RABGEF1: variants seen among roughly 807,000 people sequenced by gnomAD.
RABGEF1 encodes RAB guanine nucleotide exchange factor 1, also known as rab5 GDP/GTP exchange factor.
A neutral mutation model predicts 57.3 loss-of-function variants in RABGEF1; 26 were observed. The ratio of observed to expected loss-of-function variants is 0.45; its 90% CI spans 0.33 to 0.63. The LOEUF (loss-of-function observed/expected upper bound fraction) is 0.63, where lower values mean the gene tolerates loss of function less well. Ranked by LOEUF, RABGEF1 falls within the 20% of genes least tolerant of loss-of-function variation. The probability of loss-of-function intolerance (pLI) is 0.02; values close to 1 mark genes in which losing one functional copy is unlikely to be tolerated. For missense variants in RABGEF1, 464 were observed against 607.6 expected, an observed-to-expected ratio of 0.76 and a Z score of 2.48; for synonymous variants, 185 against 210.7, an observed-to-expected ratio of 0.88 and a Z score of 1.06.
intron 1 of RABGEF1, among the ~76,000 whole-genome samples, chr7:66,767,000 CTTTTTTTTTTT>C (rs34123866): frequency 9.7e-6 from 1 of 102,600 alleles, no homozygotes; most frequent in Non-Finnish European, 1.9e-5. Flanking sequence ...TGTCAAGTTT[CTTTTTTTTTTT>C]TTTTTTTTTG....
chr7:66,777,008 G>T (rs1353430899), intron 3 of RABGEF1, among the ~76,000 whole-genome samples: 1 of 152,180 alleles, frequency 6.6e-6, no homozygotes, highest in Non-Finnish European at 1.5e-5. Context: ...AGAGGCACGT[G>T]ATGAGGATTC....
At chr7:66,736,351 T>G (rs1196248656), upstream of RABGEF1, among the ~76,000 whole-genome samples, 2 of 152,026 alleles carry the variant, frequency 1.3e-5, no homozygotes, top group Admixed American at 6.6e-5. Context: ...ACATATGAGG[T>G]AGAGGTGGTG....
At chr7:66,755,179 A>T (rs1396335603) in intron 1 of RABGEF1, among the ~76,000 whole-genome samples, 1 of 152,206 alleles carries the variant, frequency 6.6e-6, no homozygotes, top group Non-Finnish European at 1.5e-5. Flanking sequence ...CTGTAGTCCC[A>T]GCTCCTCTGG....
chr7:66,704,445 C>G (rs1023750413), intron 1 of RABGEF1, among the ~76,000 whole-genome samples: 5 of 152,078 alleles, frequency 3.3e-5, no homozygotes, highest in Non-Finnish European at 7.4e-5. Context: ...TTAAAACTGC[C>G]TATCTATTTT....
chr7:66,714,157 T>C (rs1243366583), intron 2 of RABGEF1, among the ~76,000 whole-genome samples: 2 of 152,190 alleles, frequency 1.3e-5, no homozygotes, highest in East Asian at 3.8e-4. Context: ...CTGTTTTAAA[T>C]CTTTGGTAAG....
At chr7:66,729,544 A>G (rs1797067607) in intron 2 of RABGEF1, among the ~76,000 whole-genome samples, 1 of 150,502 alleles carries the variant, frequency 6.6e-6, no homozygotes, top group Admixed American at 6.6e-5. Context: ...CCTCACCTTT[A>G]TCCTCACCTT....
chr7:66,739,572 G>C (rs1798484970), upstream of RABGEF1, among the ~76,000 whole-genome samples: 1 of 146,692 alleles, frequency 6.8e-6, no homozygotes, highest in Non-Finnish European at 1.5e-5. Flanking sequence ...TGAGGTGGGA[G>C]AATCGCTTGA....
chr7:66,754,387 A>T (rs199624630), intron 1 of RABGEF1, among the ~76,000 whole-genome samples: 78 of 145,312 alleles, frequency 5.4e-4, no homozygotes, highest in African/African-American at 1.3e-3. Context: ...TTTTTTTTTT[A>T]AAGCCATCAT....
chr7:66,778,131 G>A (rs550375450), intron 3 of RABGEF1, among the ~76,000 whole-genome samples: 3 of 152,268 alleles, frequency 2.0e-5, no homozygotes, highest in Non-Finnish European at 2.9e-5. Context: ...CCTAAGTGCC[G>A]TTTTAATGTA....
intron 7 of RABGEF1, among the ~76,000 whole-genome samples, chr7:66,801,006 G>A (rs939739690): frequency 6.6e-6 from 1 of 152,228 alleles, no homozygotes; most frequent in African/African-American, 2.4e-5. Context: ...CATGTTCTGG[G>A]CTGACAAGTA....
intron 1 of RABGEF1, among the ~76,000 whole-genome samples, chr7:66,758,690 C>G (rs536020649): frequency 2.6e-5 from 4 of 151,870 alleles, no homozygotes; most frequent in South Asian, 2.1e-4. Flanking sequence ...TGTGCCGACT[C>G]TCCTGCCTTC....
At chr7:66,794,253 T>A (rs111763483) in intron 4 of RABGEF1, among the ~76,000 whole-genome samples, 42 of 149,620 alleles carry the variant, frequency 2.8e-4, no homozygotes, top group South Asian at 6.3e-4. Context: ...GTTAAAAAAA[T>A]TTTTTAATTT....
intron 1 of RABGEF1, among the ~76,000 whole-genome samples, chr7:66,708,613 G>A (rs551209277): frequency 1.1e-3 from 161 of 152,116 alleles, no homozygotes; most frequent in African/African-American, 3.6e-3. Flanking sequence ...AGACCAGCTT[G>A]GGCAACATAG....
intron 1 of RABGEF1, chr7:66,770,303 T>C (rs1806781171): frequency 6.6e-6 from 1 of 152,242 alleles, no homozygotes; most frequent in Non-Finnish European, 1.5e-5. Context: ...TGCTGCTTTT[T>C]TTCTGTGCTT....
the RABGEF1 span, among the ~76,000 whole-genome samples, chr7:66,673,770 T>C: frequency 4.0e-5 from 6 of 151,406 alleles, no homozygotes; most frequent in South Asian, 6.3e-4. Context: ...GTCCCAGTTA[T>C]TCGGGAGGCT....
chr7:66,692,125 G>A (rs1296524641), intron 1 of RABGEF1, among the ~76,000 whole-genome samples: 2 of 152,164 alleles, frequency 1.3e-5, no homozygotes, highest in East Asian at 3.8e-4. Context: ...CATTTCTGCA[G>A]TTGCACTAGT....
chr7:66,795,620 C>A (rs760419160), intron 5 of RABGEF1, 28 bp downstream of exon 5: 7 of 1,549,758 alleles, frequency 4.5e-6, no homozygotes, highest in East Asian at 4.5e-5. Context: ...TGAGAGATTG[C>A]GGGTATTGCA....
intron 2 of RABGEF1, among the ~76,000 whole-genome samples, chr7:66,730,870 C>T (rs1196164892): frequency 6.6e-6 from 1 of 152,104 alleles, no homozygotes; most frequent in Non-Finnish European, 1.5e-5. Context: ...CACTTGGTTT[C>T]AATTCTCACT....
intron 2 of RABGEF1, among the ~76,000 whole-genome samples, chr7:66,732,187 C>T (rs768113296): frequency 2.0e-5 from 3 of 152,228 alleles, no homozygotes; most frequent in Non-Finnish European, 4.4e-5. Flanking sequence ...CAGTGGGCCT[C>T]GGTGCCTGGA....
Sources: allele counts gnomAD v4.1 joint callset (sites outside exome capture counted in the v4.1 genomes callset), GRCh38; gene constraint gnomAD v4.1.1; transcripts MANE v1.5; gene names NCBI Gene and HGNC (gene_info 2026-07-23, HGNC 2026-07-21).